The following DLGAP1 variants were observed in gnomAD, a reference collection of about 807,000 sequenced individuals.
The protein encoded by DLGAP1 is disks large-associated protein 1.
A neutral mutation model predicts 90.8 loss-of-function variants in DLGAP1; 11 were observed. The observed-to-expected ratio is 0.12, with a 90% CI of 0.08 to 0.20. The LOEUF (loss-of-function observed/expected upper bound fraction) is 0.20. Among genes scored for constraint, DLGAP1 ranks in the 10% least tolerant of loss-of-function variants. DLGAP1 has a pLI of 1.00. For synonymous variants in DLGAP1, 558 were observed against 540.7 expected (o/e 1.03, Z -0.44); for missense variants, 1,050 against 1,333.8 (o/e 0.79, Z 3.31).
chr18:3,905,905 T>A (rs1427220791), intron 3 of DLGAP1, among the ~76,000 whole-genome samples: 1 of 152,202 alleles, frequency 6.6e-6, no homozygotes, highest in Non-Finnish European at 1.5e-5. Context: ...TTGAATGGTT[T>A]TACCACAGCA....
intron 1 of DLGAP1, among the ~76,000 whole-genome samples, chr18:4,329,817 A>G (rs986872980): frequency 6.6e-6 from 1 of 152,038 alleles, no homozygotes; most frequent in East Asian, 1.9e-4. Context: ...AATGTTCATG[A>G]GAGATATTGG....
In DLGAP1 at chr18:3,601,439, G is replaced by GGTGT. The variant is rs112583120; in HGVS notation, c.1592-19195_1592-19192dup. Among the ~76,000 whole-genome samples, 790 of 148,098 alleles carry GGTGT rather than the reference G, an allele frequency of 5.3e-3. 6 individuals are homozygous for GGTGT. Among genetic ancestry groups the GGTGT allele is most frequent in the African/African-American group, 0.016 (651 of 40,486 alleles). On this transcript the variant is annotated intron_variant, in intron 7 of 12. Transcript: ENST00000315677. Reference sequence around the variant, plus strand: ...CAGATAAACACTTCACATATGCAAGGGTGTGTGTGTGTGTGTGTGTGTGTT... The same window carrying GGTGT: ...CAGATAAACACTTCACATATGCAAGGGTGTGTGTGTGTGTGTGTGTGTGTGTGTT...
chr18:4,378,870 T>C lies in DLGAP1; in HGVS notation c.-267+76136A>G, dbSNP rs2082065641. On this transcript the variant is annotated intron_variant, in intron 1 of 12. Transcript: ENST00000315677. The surrounding 1 kb of genome is among the most constrained non-coding windows in gnomAD (Gnocchi z 4.5). ...AGCTCTGCATTTAATAAACTTGGGG[T>C]TCCTCCTCAGCTAACATCCTCTCTC... Among the ~76,000 whole-genome samples, 1 of 152,052 alleles carries C rather than the reference T, an allele frequency of 6.6e-6. No homozygotes were observed. Among genetic ancestry groups the C allele is most frequent in the Non-Finnish European group, 1.5e-5 (1 of 68,006 alleles).
In DLGAP1 at chr18:3,653,127, CCTAACAT is replaced by C. The variant is rs1190963256; in HGVS notation, c.1592-70886_1592-70880del. 1.3e-5 allele frequency among the ~76,000 whole-genome samples: 2 copies of C among 152,204 alleles called. No homozygotes were observed. Among genetic ancestry groups the C allele is most frequent in the African/African-American group, 4.8e-5 (2 of 41,450 alleles). On this transcript the variant is annotated intron_variant, in intron 7 of 12. Transcript: ENST00000315677. This position sits in a 1 kb window ranked among gnomAD's most constrained non-coding sequence, Gnocchi z 4.6. The stretch of plus-strand genomic sequence containing the variant: ...GGCCCTACTGGTGAAAATATGTAGA[CCTAACAT>C]CTATCTCCCTGCTCCAGTTTCAAGA...
chr18:3,603,993 G>A (rs62619189), intron 7 of DLGAP1: 1 of 154,392 alleles, frequency 6.5e-6, no homozygotes, highest in Admixed American at 6.5e-5. Context: ...GTCAGAGAGC[G>A]TGCATGAAGA....
chr18:3,780,524 G>T (rs1568122612), intron 5 of DLGAP1, among the ~76,000 whole-genome samples: 1 of 127,230 alleles, frequency 7.9e-6, no homozygotes, highest in East Asian at 2.0e-4. Context: ...GTCTGTCCAG[G>T]TCCCCCTCCA....
chr18:3,587,180 G>C (rs1599383362), intron 7 of DLGAP1, among the ~76,000 whole-genome samples: 1 of 152,122 alleles, frequency 6.6e-6, no homozygotes, highest in African/African-American at 2.4e-5. Flanking sequence ...TCAGCCTCTG[G>C]AGTAGGTGGG....
intron 10 of DLGAP1, among the ~76,000 whole-genome samples, chr18:3,516,995 A>G (rs1450203831): frequency 6.6e-6 from 1 of 152,236 alleles, no homozygotes; most frequent in African/African-American, 2.4e-5. Flanking sequence ...ATTGTCAGTG[A>G]GCAGCAATAT....
At chr18:4,124,031 A>G (rs1231798847) in intron 2 of DLGAP1, among the ~76,000 whole-genome samples, 1 of 152,178 alleles carries the variant, frequency 6.6e-6, no homozygotes, top group African/African-American at 2.4e-5. Flanking sequence ...AGTCAATCGC[A>G]AGAGAATTCT....
chr18:4,232,823 G>A (rs1220987050), intron 1 of DLGAP1, among the ~76,000 whole-genome samples: 1 of 152,126 alleles, frequency 6.6e-6, no homozygotes, highest in Non-Finnish European at 1.5e-5. Context: ...CAACTCAAGA[G>A]ACCAAGGTGA....
At chr18:4,208,388 T>C (rs2077765366) in intron 1 of DLGAP1, among the ~76,000 whole-genome samples, 2 of 152,222 alleles carry the variant, frequency 1.3e-5, no homozygotes, top group Admixed American at 1.3e-4. Flanking sequence ...GCAAATGTAA[T>C]TATGATCTGT....
intron 7 of DLGAP1, among the ~76,000 whole-genome samples, chr18:3,677,224 A>G (rs1183068469): frequency 2.0e-5 from 3 of 152,212 alleles, no homozygotes; most frequent in East Asian, 1.9e-4. Flanking sequence ...AAATTATGGA[A>G]GAGTCAAGAA....
intron 7 of DLGAP1, among the ~76,000 whole-genome samples, chr18:3,713,479 G>T (rs902622937): frequency 2.6e-5 from 4 of 152,200 alleles, no homozygotes; most frequent in African/African-American, 9.6e-5. Flanking sequence ...AAGGGGAAAT[G>T]AGTAAATGTT....
chr18:3,965,940 C>CA (rs544643910), intron 3 of DLGAP1, among the ~76,000 whole-genome samples: 5,357 of 100,470 alleles, frequency 0.053, 293 homozygotes, highest in Admixed American at 0.081. Context: ...GACTCCATGT[C>CA]AAAAAAAAAA....
chr18:3,908,561 G>A (rs944593026), intron 3 of DLGAP1, among the ~76,000 whole-genome samples: 3 of 152,080 alleles, frequency 2.0e-5, no homozygotes, highest in African/African-American at 4.8e-5. Context: ...AGTTCAGGTT[G>A]GTGGCCACTG....
intron 9 of DLGAP1, among the ~76,000 whole-genome samples, chr18:3,551,820 C>T (rs983611354): frequency 1.1e-4 from 16 of 147,536 alleles, no homozygotes; most frequent in African/African-American, 4.0e-4. Flanking sequence ...ACTCTGATAC[C>T]CAGGCTGGAG....
At chr18:4,329,489 T>C (rs1255800156) in intron 1 of DLGAP1, among the ~76,000 whole-genome samples, 1 of 151,970 alleles carries the variant, frequency 6.6e-6, no homozygotes, top group Non-Finnish European at 1.5e-5. Flanking sequence ...TGCAGTCTCA[T>C]GTACTTTTCA....
chr18:3,544,147 G>A (rs1247227836), intron 9 of DLGAP1, among the ~76,000 whole-genome samples: 1 of 152,120 alleles, frequency 6.6e-6, no homozygotes, highest in Non-Finnish European at 1.5e-5. Flanking sequence ...CCCAACACCC[G>A]GGGAGGCTGA....
intron 3 of DLGAP1, among the ~76,000 whole-genome samples, chr18:3,917,928 G>A (rs1450412729): frequency 6.6e-6 from 1 of 152,152 alleles, no homozygotes; most frequent in Admixed American, 6.6e-5. Flanking sequence ...GGTGAAGACT[G>A]TAGAAAGGAG....
Sources: allele counts gnomAD v4.1 joint callset (sites outside exome capture counted in the v4.1 genomes callset), GRCh38; gene constraint gnomAD v4.1.1; non-coding constraint Gnocchi (gnomAD v3.1); transcripts MANE v1.5; gene names NCBI Gene and HGNC (gene_info 2026-07-23, HGNC 2026-07-21).